Variants in CDH3 observed in about 807,000 individuals in gnomAD.
The protein encoded by CDH3 is cadherin-3.
A neutral mutation model predicts 82.0 loss-of-function variants in CDH3; 54 were observed. The ratio of observed to expected loss-of-function variants is 0.66; its 90% CI spans 0.53 to 0.83. CDH3 has a LOEUF of 0.83. Ranked by LOEUF, CDH3 falls within the 40% of genes least tolerant of loss-of-function variation. The pLI is 0.00. For synonymous variants in CDH3, 446 were observed against 437.9 expected (o/e 1.02, Z -0.23); for missense variants, 1,054 against 1,084.6 (o/e 0.97, Z 0.40).
At chr16:68,683,465 C>G in intron 9 of CDH3, among the ~76,000 whole-genome samples, 1 of 151,396 alleles carries the variant, frequency 6.6e-6, no homozygotes. Flanking sequence ...TCCTGGCTAA[C>G]ATGGTGAAAC....
exon 2 of CDH3, chr16:68,722,575 C>G (rs1014618794): frequency 6.6e-6 from 1 of 152,124 alleles, no homozygotes; most frequent in South Asian, 2.1e-4. Context: ...TACATGAGCA[C>G]GTGGGGTGGA....
chr16:68,660,681 G>A (rs1960542094), intron 2 of CDH3, among the ~76,000 whole-genome samples: 2 of 152,162 alleles, frequency 1.3e-5, no homozygotes, highest in African/African-American at 4.8e-5. Flanking sequence ...CAAATAGGCT[G>A]GGCGCTGGGG....
At chr16:68,646,510 C>CCG (rs368020659) in intron 2 of CDH3, among the ~76,000 whole-genome samples, 8 of 140,162 alleles carry the variant, frequency 5.7e-5, no homozygotes, top group Admixed American at 1.5e-4. Flanking sequence ...CTACCCCCCC[C>CCG]CTCCCCGCCC....
At chr16:68,690,831 T>C (rs8048368) in intron 12 of CDH3, among the ~76,000 whole-genome samples, 91,858 of 149,396 alleles carry the variant, frequency 0.61, 28,186 homozygotes, top group Middle Eastern at 0.66. Context: ...AGCTTGAACG[T>C]GGGAGGCGGA....
intron 15 of CDH3, chr16:68,696,156 C>T (rs1597821273): frequency 3.6e-6 from 2 of 554,286 alleles, no homozygotes; most frequent in Non-Finnish European, 6.7e-6. Flanking sequence ...CACGGTGCCT[C>T]ACGCCTGTAA....
intron 2 of CDH3, among the ~76,000 whole-genome samples, chr16:68,652,789 A>G (rs1328031827): frequency 1.3e-5 from 2 of 152,140 alleles, no homozygotes; most frequent in Admixed American, 6.5e-5. Flanking sequence ...CCTGCATTTG[A>G]ACTTTCTGTA....
At chr16:68,656,300 C>T (rs1196860461) in intron 2 of CDH3, among the ~76,000 whole-genome samples, 1 of 152,154 alleles carries the variant, frequency 6.6e-6, no homozygotes, top group Non-Finnish European at 1.5e-5. Context: ...GGCCCCCACT[C>T]CCAGCAACCC....
chr16:68,685,096 C>A, intron 10 of CDH3, 109 bp from the exon 11 acceptor site: 2 of 1,343,716 alleles, frequency 1.5e-6, no homozygotes, highest in Non-Finnish European at 2.1e-6. Context: ...CCATATGATC[C>A]TGCTTAGGAG....
chr16:68,731,695 G>T (rs951287629), downstream of CDH3, among the ~76,000 whole-genome samples: 3 of 151,604 alleles, frequency 2.0e-5, no homozygotes, highest in Non-Finnish European at 4.4e-5. Flanking sequence ...AAATTAACCT[G>T]GTGTGGTGGC....
the CDH3 span, among the ~76,000 whole-genome samples, chr16:68,732,611 A>T: frequency 6.6e-6 from 1 of 152,172 alleles, no homozygotes; most frequent in African/African-American, 2.4e-5. Flanking sequence ...CTGAAATTCC[A>T]CTGTTAGCGC....
intron 2 of CDH3, among the ~76,000 whole-genome samples, chr16:68,655,224 C>A (rs1960381837): frequency 6.6e-6 from 1 of 152,040 alleles, no homozygotes; most frequent in African/African-American, 2.4e-5. Flanking sequence ...GGCAGCAGCT[C>A]CTTATTTGGC....
At chr16:68,648,448 G>A (rs1051589145) in intron 2 of CDH3, among the ~76,000 whole-genome samples, 3 of 145,662 alleles carry the variant, frequency 2.1e-5, no homozygotes, top group African/African-American at 7.8e-5. Context: ...CAAGTTCCCT[G>A]GCTTTTTTTT....
At chr16:68,726,416 C>T (rs1388699865) in intron 2 of CDH3, among the ~76,000 whole-genome samples, 17 of 152,072 alleles carry the variant, frequency 1.1e-4, no homozygotes, top group Non-Finnish European at 7.4e-5. Context: ...CAGGTCCCCG[C>T]AAAAGACTAT....
At chr16:68,703,139 T>G (rs2152108990), downstream of CDH3, among the ~76,000 whole-genome samples, 1 of 152,280 alleles carries the variant, frequency 6.6e-6, no homozygotes, top group South Asian at 2.1e-4. Context: ...AACGATCTTT[T>G]TTTCTTCCCA....
At chr16:68,718,699 A>C (rs1335407250) in intron 1 of CDH3, among the ~76,000 whole-genome samples, 1 of 152,070 alleles carries the variant, frequency 6.6e-6, no homozygotes, top group Non-Finnish European at 1.5e-5. Flanking sequence ...TAAAAATAAA[A>C]AAGGAAAACA....
intron 1 of CDH3, among the ~76,000 whole-genome samples, chr16:68,706,895 G>A (rs1348471240): frequency 1.3e-5 from 2 of 152,140 alleles, no homozygotes; most frequent in Non-Finnish European, 2.9e-5. Flanking sequence ...GGGCAGAAGG[G>A]CAGGGTAGAG....
intron 2 of CDH3, among the ~76,000 whole-genome samples, chr16:68,675,860 G>A (rs577254247): frequency 6.6e-6 from 1 of 152,210 alleles, no homozygotes; most frequent in South Asian, 2.1e-4. Context: ...TAGTTATAGG[G>A]ATGAAATTCA....
chr16:68,690,924 A>G (rs576690366), intron 12 of CDH3, among the ~76,000 whole-genome samples: 1 of 152,274 alleles, frequency 6.6e-6, no homozygotes, highest in South Asian at 2.1e-4. Flanking sequence ...TTGAATGCTC[A>G]GTTGGAAATA....
intron 9 of CDH3, among the ~76,000 whole-genome samples, chr16:68,683,300 T>C (rs1311917243): frequency 1.3e-5 from 2 of 152,182 alleles, no homozygotes; most frequent in Non-Finnish European, 2.9e-5. Context: ...AGTTCATTTA[T>C]AATATAACTA....
Sources: allele counts gnomAD v4.1 joint callset (sites outside exome capture counted in the v4.1 genomes callset), GRCh38; gene constraint gnomAD v4.1.1; transcripts MANE v1.5; gene names NCBI Gene and HGNC (gene_info 2026-07-23, HGNC 2026-07-21).